RABL3: variants seen among roughly 807,000 people sequenced by gnomAD.
RABL3 encodes the protein RAB, member of RAS oncogene family like 3.
In RABL3, 31 loss-of-function variants were observed where a neutral mutation model predicts 31.8. The observed-to-expected ratio is 0.97, with a 90% CI of 0.73 to 1.31. RABL3 has a LOEUF of 1.31. RABL3 is among the 40% of genes most tolerant of loss of function. The probability of loss-of-function intolerance (pLI) is 0.00; values close to 1 mark genes in which losing one functional copy is unlikely to be tolerated. For synonymous variants in RABL3, 97 were observed against 99.9 expected (o/e 0.97, Z 0.18); for missense variants, 263 against 279.6 (o/e 0.94, Z 0.42).
chr3:120,704,615 G>A (rs561983630), intron 4 of RABL3, among the ~76,000 whole-genome samples: 1 of 152,266 alleles, frequency 6.6e-6, no homozygotes, highest in East Asian at 1.9e-4. Context: ...GATTGAAAAG[G>A]AAGAAATAAA....
Position 120,688,388 on chromosome 3 carries a change from A to G in RABL3, c.*1435T>C, listed in dbSNP as rs942198349. Reference sequence around the variant, plus strand: ...AAGAGGAAGTAAAGAAAGGCTGGAGAACAGTCTAGCTGATGAAAGCTGCTT... The same window carrying G: ...AAGAGGAAGTAAAGAAAGGCTGGAGGACAGTCTAGCTGATGAAAGCTGCTT... On this transcript the variant is annotated 3_prime_UTR_variant, in exon 8 of 8. Coordinates refer to ENST00000273375, the MANE Select transcript of RABL3 (RefSeq NM_173825.5). 5.9e-5 allele frequency: 9 copies of G among 152,618 alleles called. No homozygotes were observed. The highest frequency in any genetic ancestry group is 1.9e-4 in the African/African-American group (8 of 41,460). The allele number at this position is 152,618 out of a possible 1,614,324, so 9.5% of individuals were successfully genotyped here. A position where few individuals can be genotyped will look rare whatever the true frequency, so the allele number is the denominator to read the frequency against.
At chr3:120,736,234 T>C (rs1313890532) in intron 1 of RABL3, among the ~76,000 whole-genome samples, 1 of 152,218 alleles carries the variant, frequency 6.6e-6, no homozygotes, top group South Asian at 2.1e-4. Flanking sequence ...GCTCCTGTAT[T>C]GGGTGCATAT....
intron 1 of RABL3, among the ~76,000 whole-genome samples, chr3:120,741,981 G>A (rs1471426178): frequency 6.6e-6 from 1 of 152,108 alleles, no homozygotes; most frequent in Non-Finnish European, 1.5e-5. Context: ...GGGATAACAG[G>A]ACTGTCTCAG....
chr3:120,693,922 C>T (rs1033293526), intron 6 of RABL3, among the ~76,000 whole-genome samples: 3 of 151,886 alleles, frequency 2.0e-5, no homozygotes, highest in Admixed American at 6.6e-5. Context: ...TTTAAAACCC[C>T]CATTTAAATC....
chr3:120,723,103 T>C (rs1708768830), intron 2 of RABL3, among the ~76,000 whole-genome samples: 1 of 152,050 alleles, frequency 6.6e-6, no homozygotes, highest in Non-Finnish European at 1.5e-5. Context: ...CAATAAAAAA[T>C]GATAAAGGGG....
chr3:120,692,148 T>C (rs1402186363), intron 6 of RABL3, among the ~76,000 whole-genome samples: 1 of 152,138 alleles, frequency 6.6e-6, no homozygotes, highest in Non-Finnish European at 1.5e-5. Context: ...GAATTACTAC[T>C]AGTTGAAAGA....
chr3:120,741,701 A>G (rs908942062), intron 1 of RABL3, among the ~76,000 whole-genome samples: 2 of 152,192 alleles, frequency 1.3e-5, no homozygotes, highest in Non-Finnish European at 2.9e-5. Flanking sequence ...TATATTTAAC[A>G]CTAGGATTAA....
At chr3:120,713,105 C>G (rs1244312097) in intron 2 of RABL3, among the ~76,000 whole-genome samples, 1 of 152,096 alleles carries the variant, frequency 6.6e-6, no homozygotes, top group South Asian at 2.1e-4. Context: ...CTGAGAATAG[C>G]CATCATCCAA....
At chr3:120,725,982 T>A (rs998818322) in intron 2 of RABL3, among the ~76,000 whole-genome samples, 24 of 152,008 alleles carry the variant, frequency 1.6e-4, no homozygotes, top group African/African-American at 2.7e-4. Context: ...ATTAAAAAAA[T>A]TTTTTAACAT....
chr3:120,694,244 A>T lies in RABL3; in HGVS notation c.535-20T>A. 6.4e-7 allele frequency: 1 copy of T among 1,573,804 alleles called. No individual in the cohort carries two copies. Among genetic ancestry groups the T allele is most frequent in the Non-Finnish European group, 8.7e-7 (1 of 1,149,554 alleles). On this transcript the variant is annotated intron_variant, in intron 5 of 7. Transcript: ENST00000273375. ...GCAGTCCTAGAAGATAAAACATAAG[A>T]TCCACAATTGAAAGTTAGGAAACCC...
rs531964978 is a variant in RABL3, at chr3:120,722,786, A to C, written c.138+7910T>G. On this transcript the variant is annotated intron_variant, in intron 2 of 7. Transcript: ENST00000273375. ...CACAACATACCAGAATCTCTGGGAC[A>C]CATTCAAAGCAGTGTGTAGAGGGAA... 10 of 152,330 alleles carry C rather than the reference A, an allele frequency of 6.6e-5. No homozygotes were observed. The East Asian group carries it at 1.9e-3, about 29-fold the overall frequency. 9.4% of individuals were successfully genotyped at this position (152,330 alleles called of 1,614,324 possible). A position where few individuals can be genotyped will look rare whatever the true frequency, so the allele number is the denominator to read the frequency against.
chr3:120,729,999 C>A (rs1559822482), intron 2 of RABL3, among the ~76,000 whole-genome samples: 1 of 151,180 alleles, frequency 6.6e-6, no homozygotes, highest in African/African-American at 2.4e-5. Flanking sequence ...TAAAAGCAAC[C>A]AAAGAAGAAA....
chr3:120,696,570 G>A (rs1708439830), intron 5 of RABL3, among the ~76,000 whole-genome samples: 1 of 147,380 alleles, frequency 6.8e-6, no homozygotes, highest in South Asian at 2.2e-4. Context: ...GATGGCCTTG[G>A]CTTTGTAAGG....
chr3:120,716,632 A>C (rs551630518), intron 2 of RABL3, among the ~76,000 whole-genome samples: 6 of 151,868 alleles, frequency 4.0e-5, no homozygotes, highest in Admixed American at 3.9e-4. Context: ...AAAATTAAAA[A>C]AAAAAGAAAA....
chr3:120,718,843 C>T lies in RABL3; in HGVS notation c.139-8934G>A, dbSNP rs146042874. On this transcript the variant is annotated intron_variant, in intron 2 of 7. Transcript: ENST00000273375. ...TTTTAATATCAGACAAAATAGTCTTCGAGGTACAATGTATTACCAGATATA... is the reference window on the plus strand; with the variant it reads ...TTTTAATATCAGACAAAATAGTCTTTGAGGTACAATGTATTACCAGATATA... Among the ~76,000 whole-genome samples the T allele has an allele frequency of 5.6e-3, 858 of 152,226 alleles. 11 individuals carry two copies. The highest frequency in any genetic ancestry group is 0.02 in the African/African-American group (822 of 41,542).
At chr3:120,707,199 G>A (rs1409882392) in intron 3 of RABL3, among the ~76,000 whole-genome samples, 1 of 152,072 alleles carries the variant, frequency 6.6e-6, no homozygotes, top group African/African-American at 2.4e-5. Flanking sequence ...TGTAACTAAA[G>A]GGCTTGTACA....
rs1331676959 is a variant in RABL3, at chr3:120,698,319, T to C, written c.534+104A>G. On this transcript the variant is annotated intron_variant, in intron 5 of 7. Transcript: ENST00000273375. Reference sequence around the variant, plus strand: ...TTAGACTAGAATCCAAATAGCCTGATTTCAAGTATAAAGCTTCTTTCACTA... The same window carrying C: ...TTAGACTAGAATCCAAATAGCCTGACTTCAAGTATAAAGCTTCTTTCACTA... The C allele has an allele frequency of 7.1e-6, 8 of 1,121,516 alleles. No individual in the cohort carries two copies. In the African/African-American group the frequency reaches 1.1e-4, roughly 15 times the overall value. 69.5% of individuals were successfully genotyped at this position (1,121,516 alleles called of 1,614,324 possible).
chr3:120,717,769 C>T (rs970410641), intron 2 of RABL3, among the ~76,000 whole-genome samples: 2 of 152,142 alleles, frequency 1.3e-5, no homozygotes, highest in African/African-American at 4.8e-5. Flanking sequence ...GCACCCAGTC[C>T]CAAAGCAGAA....
At chr3:120,705,312 TA>T (rs1708536286) in intron 4 of RABL3, among the ~76,000 whole-genome samples, 1 of 152,198 alleles carries the variant, frequency 6.6e-6, no homozygotes, top group Non-Finnish European at 1.5e-5. Flanking sequence ...AAGCTGATTC[TA>T]AAAATTCATG....
Sources: gnomAD v4.1 joint callset for allele counts (sites outside exome capture counted in the v4.1 genomes callset) on GRCh38, gnomAD v4.1.1 for gene constraint, MANE v1.5 for transcripts, NCBI Gene and HGNC (gene_info 2026-07-23, HGNC 2026-07-21) for gene names.